Variants in CSNK1A1 observed in about 807,000 individuals in gnomAD.
CSNK1A1 encodes the protein casein kinase I isoform alpha.
CSNK1A1 carries 7 observed loss-of-function variants against 46.1 expected under a neutral mutation model. The observed-to-expected ratio is 0.15, with a 90% CI of 0.09 to 0.29. The LOEUF (loss-of-function observed/expected upper bound fraction) is 0.29. Ranked by LOEUF, CSNK1A1 falls within the 10% of genes least tolerant of loss-of-function variation. The pLI is 1.00. For missense variants in CSNK1A1, 96 were observed against 417.1 expected, an observed-to-expected ratio of 0.23 and a Z score of 6.71; for synonymous variants, 137 against 141.5, an observed-to-expected ratio of 0.97 and a Z score of 0.23.
Position 149,544,651 on chromosome 5 carries a change from GT to G in CSNK1A1, c.230+5423del, listed in dbSNP as rs908492039. Among the ~76,000 whole-genome samples the G allele has an allele frequency of 1.8e-4, 27 of 148,656 alleles. 1 individual carries two copies. Among genetic ancestry groups the G allele is most frequent in the African/African-American group, 5.5e-4 (22 of 40,004 alleles). ...AATGCACAGGTCCACTTGTACACAGGTTTTTTTCTGCCTCTGCTACCCAAAC... is the reference window on the plus strand; with the variant it reads ...AATGCACAGGTCCACTTGTACACAGGTTTTTTCTGCCTCTGCTACCCAAAC... On this transcript the variant is annotated intron_variant, in intron 2 of 9. Transcript: ENST00000377843.
intron 2 of CSNK1A1, among the ~76,000 whole-genome samples, chr5:149,532,277 G>C (rs10077829): frequency 1.3e-5 from 2 of 152,020 alleles, no homozygotes; most frequent in African/African-American, 4.8e-5. Context: ...TAAGATACCT[G>C]CAACAATAAT....
Position 149,550,240 on chromosome 5 carries a change from G to C in CSNK1A1, c.124-59C>G, listed in dbSNP as rs1421688612. ...TCCCTACGGATTCAATGTCACTTAG[G>C]AAAGGAGGGAGACATTAGCAAAACT... is the stretch of plus-strand genomic sequence containing the variant. On this transcript the variant is annotated intron_variant, in intron 1 of 9. Coordinates refer to ENST00000377843, the MANE Select transcript of CSNK1A1 (RefSeq NM_001892.6). This position sits in a 1 kb window ranked among gnomAD's most constrained non-coding sequence, Gnocchi z 4.3. The C allele has an allele frequency of 2.5e-6, 4 of 1,587,592 alleles. No homozygotes were observed. The highest frequency in any genetic ancestry group is 1.7e-4 in the Middle Eastern group (1 of 5,936).
Position 149,496,155 on chromosome 5 carries a change from T to C in CSNK1A1, c.*698A>G, listed in dbSNP as rs1386997755. The C allele has an allele frequency of 6.6e-6, 1 of 151,306 alleles. No individual in the cohort carries two copies. The highest frequency in any genetic ancestry group is 1.5e-5 in the Non-Finnish European group (1 of 67,732). The allele number at this position is 151,306 out of a possible 1,614,324, so 9.4% of individuals were successfully genotyped here. On this transcript the variant is annotated 3_prime_UTR_variant, in exon 10 of 10. Coordinates refer to ENST00000377843, the MANE Select transcript of CSNK1A1 (RefSeq NM_001892.6). The stretch of plus-strand genomic sequence containing the variant: ...AACTAAATTTCTGTGACAAATATGC[T>C]TTTTTTTTAATACCAAGAACATTAT...
rs922555705 is a variant in CSNK1A1, at chr5:149,495,146, T to C, written c.*1707A>G. 6.6e-6 allele frequency: 1 copy of C among 152,168 alleles called. No individual in the cohort carries two copies. Among genetic ancestry groups the C allele is most frequent in the Admixed American group, 6.5e-5 (1 of 15,278 alleles). 9.4% of individuals were successfully genotyped at this position (152,168 alleles called of 1,614,324 possible). On this transcript the variant is annotated 3_prime_UTR_variant, in exon 10 of 10. Coordinates refer to ENST00000377843, the MANE Select transcript of CSNK1A1 (RefSeq NM_001892.6). ...TAATAAAATTTCTTCAGTATTACGG[T>C]ACTAATATCCCTTAATGGCAGAATG...
chr5:149,526,159 A>G (rs878899450), intron 2 of CSNK1A1, among the ~76,000 whole-genome samples: 1 of 152,042 alleles, frequency 6.6e-6, no homozygotes, highest in African/African-American at 2.4e-5. Context: ...ATTTATTTTT[A>G]GACAAGGTCT....
intron 9 of CSNK1A1, chr5:149,504,621 G>C (rs1019752506): frequency 2.8e-5 from 28 of 985,408 alleles, no homozygotes; most frequent in Admixed American, 2.5e-4. Flanking sequence ...CAGTAAGAGT[G>C]CCAAAGAAAA....
Position 149,496,711 on chromosome 5 carries a change from C to A in CSNK1A1, c.*142G>T. 8.4e-7 allele frequency: 1 copy of A among 1,184,506 alleles called. No homozygotes were observed. The highest frequency in any genetic ancestry group is 1.2e-6 in the Non-Finnish European group (1 of 864,124). 73.4% of individuals were successfully genotyped at this position (1,184,506 alleles called of 1,614,324 possible). A position where few individuals can be genotyped will look rare whatever the true frequency, so the allele number is the denominator to read the frequency against. On this transcript the variant is annotated 3_prime_UTR_variant, in exon 10 of 10. Transcript: ENST00000377843. Reference sequence around the variant, plus strand: ...CAATGCTGCCCAGAGTCAGTTTATACTGAAATTAAGTTCTTTACACCAAGT... The same window carrying A: ...CAATGCTGCCCAGAGTCAGTTTATAATGAAATTAAGTTCTTTACACCAAGT...
intron 7 of CSNK1A1, among the ~76,000 whole-genome samples, chr5:149,508,842 G>T (rs1236319059): frequency 6.6e-6 from 1 of 152,188 alleles, no homozygotes; most frequent in African/African-American, 2.4e-5. Flanking sequence ...GTTTTCAACA[G>T]ATTAGAGAGC....
chr5:149,544,875 C>T (rs1762422208), intron 2 of CSNK1A1, among the ~76,000 whole-genome samples: 2 of 150,652 alleles, frequency 1.3e-5, no homozygotes, highest in Admixed American at 1.3e-4. Flanking sequence ...GTGGTCCATG[C>T]CTGTAATCCC....
chr5:149,544,564 C>A (rs1762403548), intron 2 of CSNK1A1, among the ~76,000 whole-genome samples: 1 of 150,794 alleles, frequency 6.6e-6, no homozygotes. Flanking sequence ...TAGAATGGAA[C>A]ACACAAAAAA....
chr5:149,513,971 C>G (rs1374702138), intron 4 of CSNK1A1, among the ~76,000 whole-genome samples: 1 of 151,802 alleles, frequency 6.6e-6, no homozygotes, highest in Admixed American at 6.6e-5. Context: ...CTTAAATGTG[C>G]CAACAGAATA....
chr5:149,498,766 C>G, intron 9 of CSNK1A1: 10 of 985,098 alleles, frequency 1.0e-5, no homozygotes, highest in Non-Finnish European at 1.2e-5. Flanking sequence ...GTGAATATAC[C>G]AAATGGCTTT....
intron 9 of CSNK1A1, chr5:149,498,747 A>C (rs1228355083): frequency 2.0e-6 from 2 of 985,178 alleles, no homozygotes; most frequent in African/African-American, 3.5e-5. Flanking sequence ...TATTAAACTA[A>C]TTGTTATGGT....
chr5:149,507,435 A>C (rs147011541), intron 7 of CSNK1A1, among the ~76,000 whole-genome samples: 1 of 150,552 alleles, frequency 6.6e-6, no homozygotes, highest in African/African-American at 2.4e-5. Context: ...AAAACCTGTC[A>C]TTTTATCAAA....
At chr5:149,511,963 A>T (rs1191736486) in intron 5 of CSNK1A1, 91 bp from the exon 6 acceptor site, 6 of 944,714 alleles carry the variant, frequency 6.4e-6, no homozygotes, top group Non-Finnish European at 9.8e-6. Context: ...AATGTTCCCA[A>T]ATGAGGAGGG....
At chr5:149,498,292 C>T in intron 9 of CSNK1A1, 1 of 985,130 alleles carries the variant, frequency 1.0e-6, no homozygotes, top group Non-Finnish European at 1.2e-6. Flanking sequence ...TCTTTGTTGC[C>T]TGGGTACTAA....
intron 9 of CSNK1A1, among the ~76,000 whole-genome samples, chr5:149,500,444 CT>C (rs1760813644): frequency 6.7e-6 from 1 of 149,454 alleles, no homozygotes; most frequent in African/African-American, 2.5e-5. Flanking sequence ...GCCCCAGCTA[CT>C]TTTTTGTATT....
intron 3 of CSNK1A1, 37 bp from the exon 4 acceptor site, chr5:149,520,425 T>C (rs372490418): frequency 1.3e-5 from 16 of 1,197,088 alleles, no homozygotes; most frequent in Admixed American, 1.8e-5. Flanking sequence ...TTGAGTTAAG[T>C]AGTAAATGAA....
intron 9 of CSNK1A1, chr5:149,505,242 A>AATACAT: frequency 7.6e-7 from 1 of 1,312,044 alleles, no homozygotes. Context: ...TGTATATACA[A>AATACAT]ATACATATAC....
Sources: allele counts gnomAD v4.1 joint callset (sites outside exome capture counted in the v4.1 genomes callset), GRCh38; gene constraint gnomAD v4.1.1; non-coding constraint Gnocchi (gnomAD v3.1); transcripts MANE v1.5; gene names NCBI Gene and HGNC (gene_info 2026-07-23, HGNC 2026-07-21).